PTPRK: variants seen among roughly 807,000 people sequenced by gnomAD.
PTPRK encodes protein tyrosine phosphatase receptor type K.
PTPRK carries 75 observed loss-of-function variants against 178.0 expected under a neutral mutation model. That is an observed-to-expected ratio of 0.42 (90% CI 0.35 to 0.51). PTPRK has a LOEUF of 0.51. Ranked by LOEUF, PTPRK falls within the 20% of genes least tolerant of loss-of-function variation. PTPRK has a pLI of 0.02. For synonymous variants in PTPRK, 637 were observed against 620.6 expected (o/e 1.03, Z -0.39); for missense variants, 1,441 against 1,797.8 (o/e 0.80, Z 3.59).
intron 7 of PTPRK, among the ~76,000 whole-genome samples, chr6:128,146,934 A>G (rs1467467880): frequency 6.6e-6 from 1 of 152,136 alleles, no homozygotes; most frequent in Non-Finnish European, 1.5e-5. Context: ...TAATTGCTTC[A>G]CTTAGAAACA....
At chr6:128,242,679 T>C in intron 3 of PTPRK, 77 bp from the exon 4 acceptor site, 3 of 1,519,494 alleles carry the variant, frequency 2.0e-6, no homozygotes, top group South Asian at 2.6e-5. Context: ...TAGCTAAATA[T>C]ATGCAAAAGT....
At chr6:128,134,655 A>G (rs754667430) in intron 7 of PTPRK, among the ~76,000 whole-genome samples, 1 of 152,150 alleles carries the variant, frequency 6.6e-6, no homozygotes, top group Non-Finnish European at 1.5e-5. Context: ...TACAAAAAAT[A>G]CCAACATTAG....
chr6:128,076,742 T>C (rs553178432), intron 11 of PTPRK, among the ~76,000 whole-genome samples: 2 of 151,996 alleles, frequency 1.3e-5, no homozygotes, highest in Non-Finnish European at 2.9e-5. Context: ...TATATAAAGG[T>C]AATAAAGTAA....
intron 2 of PTPRK, among the ~76,000 whole-genome samples, chr6:128,341,549 A>G (rs1206355378): frequency 1.3e-5 from 2 of 152,240 alleles, no homozygotes; most frequent in African/African-American, 4.8e-5. Flanking sequence ...TTTTCTGAAG[A>G]AAAACATTTT....
intron 1 of PTPRK, among the ~76,000 whole-genome samples, chr6:128,415,714 T>G (rs575403826): frequency 6.6e-6 from 1 of 152,314 alleles, no homozygotes; most frequent in East Asian, 1.9e-4. Context: ...ACCAGCGTTA[T>G]GATTACAATA....
intron 15 of PTPRK, 69 bp from the exon 16 acceptor site, chr6:127,998,973 G>A: frequency 1.5e-6 from 2 of 1,312,530 alleles, no homozygotes; most frequent in Non-Finnish European, 2.0e-6. Context: ...ATGTATCTAT[G>A]CAATGAAGAT....
intron 13 of PTPRK, among the ~76,000 whole-genome samples, chr6:128,020,244 T>C (rs1172336570): frequency 6.6e-6 from 1 of 151,842 alleles, no homozygotes; most frequent in Non-Finnish European, 1.5e-5. Context: ...CTATTAAGAG[T>C]AAAACAAGCT....
intron 1 of PTPRK, 81 bp from the exon 2 acceptor site, chr6:128,397,769 T>G: frequency 7.3e-7 from 1 of 1,360,942 alleles, no homozygotes; most frequent in Non-Finnish European, 1.0e-6. Context: ...AAATGTTATA[T>G]TGATATATAT....
At chr6:128,130,499 T>G (rs1220644387) in intron 7 of PTPRK, among the ~76,000 whole-genome samples, 1 of 152,170 alleles carries the variant, frequency 6.6e-6, no homozygotes, top group East Asian at 1.9e-4. Flanking sequence ...CCTAAAATTT[T>G]TTTCCTTTAT....
chr6:128,431,924 A>G (rs945747749), intron 1 of PTPRK, among the ~76,000 whole-genome samples: 2 of 152,200 alleles, frequency 1.3e-5, no homozygotes, highest in Admixed American at 1.3e-4. Context: ...TTTTTTAGAC[A>G]TAGTGGAAAG....
rs77637137 is a variant in PTPRK at position 128,134,212 on chromosome 6, T to A, written c.1163-44220A>T. Among the ~76,000 whole-genome samples the A allele has an allele frequency of 5.0e-3, 769 of 152,298 alleles. 3 individuals carry two copies. Among genetic ancestry groups the A allele is most frequent in the African/African-American group, 0.018 (732 of 41,550 alleles). ...TGTATTTATAGCTTTTCTTAGGACA[T>A]GCGCATATTTAAAAATTATTCCTGA... On this transcript the variant is annotated intron_variant, in intron 7 of 29. Transcript: ENST00000368226.
chr6:128,067,336 C>T (rs1562522512), intron 12 of PTPRK, among the ~76,000 whole-genome samples, 183 bp downstream of exon 12: 1 of 152,162 alleles, frequency 6.6e-6, no homozygotes, highest in African/African-American at 2.4e-5. Context: ...TGAAATGGAA[C>T]TGGCGTGCGG....
intron 7 of PTPRK, among the ~76,000 whole-genome samples, chr6:128,171,830 C>T (rs1025505692): frequency 2.0e-5 from 3 of 151,836 alleles, no homozygotes; most frequent in African/African-American, 7.3e-5. Context: ...AACATTTACC[C>T]CATTTTAACT....
intron 3 of PTPRK, among the ~76,000 whole-genome samples, chr6:128,295,042 T>A (rs1045483175): frequency 6.6e-6 from 1 of 152,070 alleles, no homozygotes; most frequent in Non-Finnish European, 1.5e-5. Flanking sequence ...TGTGATTCCA[T>A]TATACAGTTT....
At chr6:128,219,528 C>T (rs1388519400) in intron 5 of PTPRK, among the ~76,000 whole-genome samples, 2 of 152,206 alleles carry the variant, frequency 1.3e-5, no homozygotes, top group African/African-American at 2.4e-5. Context: ...CTGCTCACCT[C>T]CTGCTGTGTG....
intron 7 of PTPRK, among the ~76,000 whole-genome samples, chr6:128,119,534 A>T (rs903506679): frequency 6.6e-6 from 1 of 152,108 alleles, no homozygotes; most frequent in African/African-American, 2.4e-5. Context: ...TATTTCTAAT[A>T]GTGCTGCTGA....
At chr6:128,147,137 G>A (rs377077458) in intron 7 of PTPRK, among the ~76,000 whole-genome samples, 2 of 152,100 alleles carry the variant, frequency 1.3e-5, no homozygotes, top group South Asian at 2.1e-4. Flanking sequence ...AATATTATTA[G>A]TTACCATATA....
chr6:128,255,302 T>G (rs1817101252), intron 3 of PTPRK, among the ~76,000 whole-genome samples: 1 of 152,176 alleles, frequency 6.6e-6, no homozygotes, highest in Admixed American at 6.5e-5. Context: ...AATCAGGTTT[T>G]AAGGATAGAT....
rs146049848 is a variant in PTPRK at position 128,322,145 on chromosome 6, T to C, written c.389A>G (p.Asn130Ser). ...PGTLNILVRV[N>S]KGPLANPIWN... ...AATTGGATTGGCAAGAGGTCCTTTA[T>C]TCACCCTAACTAATATGTTCAAAGT... Residue 130 changes from asparagine to serine, a missense_variant, in exon 3 of 30, where the codon AAT (asparagine) becomes AGT (serine). Asn to Ser is a conservative substitution (Grantham distance 46, BLOSUM62 1). Coordinates refer to ENST00000368226, the MANE Select transcript of PTPRK (RefSeq NM_002844.4). 2.5e-6 allele frequency: 4 copies of C among 1,613,818 alleles called. No homozygotes were observed. The highest frequency in any genetic ancestry group is 1.3e-5 in the African/African-American group (1 of 74,886).
Sources: allele counts gnomAD v4.1 joint callset (sites outside exome capture counted in the v4.1 genomes callset), GRCh38; gene constraint gnomAD v4.1.1; transcripts MANE v1.5; gene names NCBI Gene and HGNC (gene_info 2026-07-23, HGNC 2026-07-21).